Variants in KIAA1217 observed in about 807,000 individuals in gnomAD.
KIAA1217 encodes KIAA1217, also known as sickle tail protein homolog.
KIAA1217 carries 88 observed loss-of-function variants against 163.9 expected under a neutral mutation model. That is an observed-to-expected ratio of 0.54 (90% CI 0.45 to 0.64). The LOEUF (loss-of-function observed/expected upper bound fraction) is 0.64. Ranked by LOEUF, KIAA1217 falls within the 30% of genes least tolerant of loss-of-function variation. The probability of loss-of-function intolerance (pLI) is 0.00; values close to 1 mark genes in which losing one functional copy is unlikely to be tolerated. For synonymous variants in KIAA1217, 903 were observed against 923.1 expected, an observed-to-expected ratio of 0.98 and a Z score of 0.39; for missense variants, 2,372 against 2,475.0, an observed-to-expected ratio of 0.96 and a Z score of 0.88.
At chr10:24,056,324 T>A (rs2060532081) in intron 2 of KIAA1217, among the ~76,000 whole-genome samples, 1 of 151,618 alleles carries the variant, frequency 6.6e-6, no homozygotes, top group South Asian at 2.1e-4. Context: ...GGAGGCCCCA[T>A]CTCAAAAAAA....
At chr10:24,177,260 T>TAC (rs1297618538) in intron 2 of KIAA1217, among the ~76,000 whole-genome samples, 4 of 65,244 alleles carry the variant, frequency 6.1e-5, no homozygotes, top group African/African-American at 2.0e-4. Flanking sequence ...CTCACCATCA[T>TAC]ATATATATAT....
intron 1 of KIAA1217, among the ~76,000 whole-genome samples, chr10:23,769,675 C>T (rs747272415): frequency 4.6e-5 from 7 of 152,228 alleles, no homozygotes; most frequent in Non-Finnish European, 1.0e-4. Flanking sequence ...ATCTCTTTCA[C>T]TGTCTCAGTT....
intron 1 of KIAA1217, among the ~76,000 whole-genome samples, chr10:23,711,888 T>C (rs1837281515): frequency 6.6e-6 from 1 of 152,146 alleles, no homozygotes; most frequent in Non-Finnish European, 1.5e-5. Context: ...AAACGAAGCC[T>C]GATATGATCA....
chr10:24,103,316 A>C (rs1455190375), intron 2 of KIAA1217, among the ~76,000 whole-genome samples: 1 of 152,202 alleles, frequency 6.6e-6, no homozygotes, highest in Non-Finnish European at 1.5e-5. Context: ...AAGATGACAC[A>C]GAAGAAAACC....
chr10:24,518,554 T>C (rs2070572761), intron 10 of KIAA1217, among the ~76,000 whole-genome samples: 1 of 152,206 alleles, frequency 6.6e-6, no homozygotes, highest in African/African-American at 2.4e-5. Flanking sequence ...ACATGTTGGT[T>C]GTTCACGGAA....
chr10:24,511,152 C>CAAAA (rs58529942), intron 9 of KIAA1217, among the ~76,000 whole-genome samples: 1 of 34,512 alleles, frequency 2.9e-5, no homozygotes, highest in Non-Finnish European at 4.3e-5. Flanking sequence ...GACTCTGTCT[C>CAAAA]AAAAAAAAAA....
chr10:24,524,143 GC>G (rs1361561249), intron 12 of KIAA1217, among the ~76,000 whole-genome samples, 179 bp from the exon 13 acceptor site: 1 of 152,178 alleles, frequency 6.6e-6, no homozygotes, highest in African/African-American at 2.4e-5. Flanking sequence ...TGATGGAGTT[GC>G]AAGGGTCTGA....
At chr10:23,860,208 C>T (rs1839888429) in intron 1 of KIAA1217, among the ~76,000 whole-genome samples, 2 of 151,618 alleles carry the variant, frequency 1.3e-5, no homozygotes, top group Admixed American at 6.6e-5. Context: ...GTGACTTTAT[C>T]TTCCTTAATG....
rs374656391 is a variant in KIAA1217, at chr10:24,380,943, G to A, written c.429G>A (p.Thr143=). 50 of 1,608,856 alleles carry A rather than the reference G, an allele frequency of 3.1e-5. No individual in the cohort carries two copies. Among genetic ancestry groups the A allele is most frequent in the Non-Finnish European group, 4.0e-5 (47 of 1,177,294 alleles). The stretch of plus-strand genomic sequence containing the variant: ...ACCCGGTCGAGCATTTATCAGAGAC[G>A]TCCGCTGATTCTTTGGAAGCCATGT... ...LGDPVEHLSE[T]SADSLEAMSE... is the part of the protein sequence containing the mutation. The change falls in exon 3 of 21, where the codon ACG becomes ACA. Residue 143 remains threonine (T), a synonymous_variant. Coordinates refer to ENST00000376454, the MANE Select transcript of KIAA1217 (RefSeq NM_019590.5).
chr10:23,909,551 A>G (rs1842339094), intron 1 of KIAA1217, among the ~76,000 whole-genome samples: 1 of 152,082 alleles, frequency 6.6e-6, no homozygotes, highest in African/African-American at 2.4e-5. Context: ...GAAAAATGAA[A>G]GTCGTATAGA....
chr10:24,374,490 C>T (rs985846411), intron 2 of KIAA1217, among the ~76,000 whole-genome samples: 4 of 152,166 alleles, frequency 2.6e-5, no homozygotes, highest in Admixed American at 2.0e-4. Context: ...GATTTATTCT[C>T]CTCTACCACC....
At chr10:24,067,675 G>A (rs1306364392) in intron 2 of KIAA1217, among the ~76,000 whole-genome samples, 1 of 152,236 alleles carries the variant, frequency 6.6e-6, no homozygotes, top group Non-Finnish European at 1.5e-5. Context: ...AAAGCTGTCA[G>A]ACAGGGACAT....
At chr10:24,545,544 G>T (rs1026795253) in intron 20 of KIAA1217, 81 of 1,327,428 alleles carry the variant, frequency 6.1e-5, no homozygotes, top group Non-Finnish European at 7.6e-5. Context: ...TTATCCAGAC[G>T]CATGGCCCAC....
At chr10:23,793,702 G>A (rs1187337581) in intron 1 of KIAA1217, among the ~76,000 whole-genome samples, 1 of 152,142 alleles carries the variant, frequency 6.6e-6, no homozygotes, top group Non-Finnish European at 1.5e-5. Context: ...CCTGCTGTCT[G>A]GACCTGGGTT....
intron 1 of KIAA1217, among the ~76,000 whole-genome samples, chr10:24,215,721 C>T (rs1351661823): frequency 6.6e-6 from 1 of 152,210 alleles, no homozygotes; most frequent in Admixed American, 6.5e-5. Flanking sequence ...AAGAGCTGAG[C>T]CTTGTCGAGG....
intron 6 of KIAA1217, among the ~76,000 whole-genome samples, chr10:24,477,097 G>A (rs966564502): frequency 6.6e-6 from 1 of 152,198 alleles, no homozygotes; most frequent in African/African-American, 2.4e-5. Flanking sequence ...CAAGGGTGAA[G>A]CTCATGCCAT....
intron 1 of KIAA1217, among the ~76,000 whole-genome samples, chr10:23,720,703 ATTAG>A (rs1276823664): frequency 2.6e-5 from 4 of 152,184 alleles, no homozygotes; most frequent in Admixed American, 2.0e-4. Context: ...TCAATTTATA[ATTAG>A]TTAAATGAAA....
At chr10:23,734,443 C>T (rs770224467) in intron 1 of KIAA1217, among the ~76,000 whole-genome samples, 2 of 151,828 alleles carry the variant, frequency 1.3e-5, no homozygotes, top group South Asian at 2.1e-4. Context: ...CATGCCACAA[C>T]GCCTGGCTAA....
intron 5 of KIAA1217, among the ~76,000 whole-genome samples, chr10:24,452,112 A>C (rs1347614384): frequency 2.0e-5 from 3 of 152,182 alleles, no homozygotes; most frequent in African/African-American, 7.2e-5. Context: ...AAAAGAAAAA[A>C]GTGTTTTTAA....
Sources: allele counts gnomAD v4.1 joint callset (sites outside exome capture counted in the v4.1 genomes callset), GRCh38; gene constraint gnomAD v4.1.1; transcripts MANE v1.5; gene names NCBI Gene and HGNC (gene_info 2026-07-23, HGNC 2026-07-21).